CEP63: variants seen among roughly 807,000 people sequenced by gnomAD.
CEP63 encodes the protein centrosomal protein of 63 kDa.
CEP63 carries 84 observed loss-of-function variants against 89.1 expected under a neutral mutation model. That is an observed-to-expected ratio of 0.94 (90% CI 0.79 to 1.13). The LOEUF (loss-of-function observed/expected upper bound fraction) is 1.13. Among genes scored for constraint, CEP63 ranks in the 50% most tolerant of loss-of-function variants. The pLI, the probability that CEP63 is intolerant of heterozygous loss-of-function variation, is 0.00. For synonymous variants in CEP63, 267 were observed against 272.5 expected, an observed-to-expected ratio of 0.98 and a Z score of 0.20; for missense variants, 838 against 813.3, an observed-to-expected ratio of 1.03 and a Z score of -0.37.
the CEP63 span, among the ~76,000 whole-genome samples, chr3:134,670,053 G>A: frequency 6.6e-6 from 1 of 152,140 alleles, no homozygotes; most frequent in Non-Finnish European, 1.5e-5. Flanking sequence ...ACAGCAACCT[G>A]GAAGAGGGCC....
Position 134,564,868 on chromosome 3 carries a change from T to A in CEP63, c.*3333T>A. 1 of 985,272 alleles carries A rather than the reference T, an allele frequency of 1.0e-6. No individual in the cohort carries two copies. The highest frequency in any genetic ancestry group is 4.7e-5 in the South Asian group (1 of 21,284). The allele number at this position is 985,272 out of a possible 1,614,324, so 61.0% of individuals were successfully genotyped here. On this transcript the variant is annotated 3_prime_UTR_variant, in exon 15 of 15. Coordinates refer to ENST00000675561, the MANE Select transcript of CEP63 (RefSeq NM_001353108.3). ...GTCACCGGAAATACTTAAGGAATCATGAGGTACTATGTATTTCCTTAAATT... is the reference window on the plus strand; with the variant it reads ...GTCACCGGAAATACTTAAGGAATCAAGAGGTACTATGTATTTCCTTAAATT...
At chr3:134,608,659 C>T in the CEP63 span, 1 of 1,614,026 alleles carries the variant, frequency 6.2e-7, no homozygotes, top group South Asian at 1.1e-5. Context: ...CTGTTCTGAT[C>T]ATGGAAGTCT....
At chr3:134,494,440 T>G (rs1276434591) in intron 1 of CEP63, among the ~76,000 whole-genome samples, 1 of 152,104 alleles carries the variant, frequency 6.6e-6, no homozygotes, top group Non-Finnish European at 1.5e-5. Flanking sequence ...TATGGCAGTC[T>G]TCTATCTCCC....
intron 3 of CEP63, among the ~76,000 whole-genome samples, chr3:134,510,156 T>C (rs552901780): frequency 1.3e-5 from 2 of 152,330 alleles, no homozygotes; most frequent in South Asian, 4.1e-4. Flanking sequence ...GGAGGGAAAT[T>C]GAGCACAGGA....
At chr3:134,753,626 A>G in the CEP63 span, among the ~76,000 whole-genome samples, 1 of 152,232 alleles carries the variant, frequency 6.6e-6, no homozygotes, top group African/African-American at 2.4e-5. Context: ...TGGTAGGAAA[A>G]CATACACAGT....
the CEP63 span, chr3:134,608,633 C>T: frequency 1.1e-5 from 17 of 1,614,016 alleles, no homozygotes; most frequent in Admixed American, 2.7e-4. Flanking sequence ...CACACTGGCA[C>T]CTGCTCCGGG....
At chr3:134,521,308 CA>C (rs1947401454) in intron 3 of CEP63, among the ~76,000 whole-genome samples, 1 of 152,056 alleles carries the variant, frequency 6.6e-6, no homozygotes, top group Admixed American at 6.5e-5. Flanking sequence ...AGTATTTTAT[CA>C]AAAAGAGTGC....
rs1951304304 is a variant in CEP63 at position 134,538,541 on chromosome 3, ATATATATATATATG to A, written c.555+1285_555+1298del. On this transcript the variant is annotated intron_variant, in intron 6 of 14. Coordinates refer to ENST00000675561, the MANE Select transcript of CEP63 (RefSeq NM_001353108.3). ...AGAAATTGTGTGTGTGTGTATATATATATATATATATATGTATATATATATTTTTTTAACAACAA... is the reference window on the plus strand; with the variant it reads ...AGAAATTGTGTGTGTGTGTATATATATATATATATATTTTTTTAACAACAA... 1.9e-4 allele frequency among the ~76,000 whole-genome samples: 27 copies of A among 139,142 alleles called. 1 individual carries two copies. The highest frequency in any genetic ancestry group is 6.7e-4 in the South Asian group (3 of 4,474). 91.3% of individuals were successfully genotyped at this position (139,142 alleles called of 152,430 possible).
the CEP63 span, among the ~76,000 whole-genome samples, chr3:134,690,884 G>T: frequency 6.6e-6 from 1 of 151,870 alleles, no homozygotes; most frequent in Non-Finnish European, 1.5e-5. Context: ...AAGTAGCTGG[G>T]ATTACAGGCT....
At chr3:134,688,037 T>C in the CEP63 span, among the ~76,000 whole-genome samples, 8 of 152,348 alleles carry the variant, frequency 5.3e-5, 1 homozygote, top group African/African-American at 1.7e-4. Context: ...TAATTTACCA[T>C]ATGATATAGA....
At chr3:134,739,990 G>A in the CEP63 span, among the ~76,000 whole-genome samples, 1 of 151,980 alleles carries the variant, frequency 6.6e-6, no homozygotes, top group Non-Finnish European at 1.5e-5. Flanking sequence ...AAAATTAGAG[G>A]CACCTCCCAG....
chr3:134,496,058 A>T (rs1939797697), intron 2 of CEP63, among the ~76,000 whole-genome samples: 1 of 152,198 alleles, frequency 6.6e-6, no homozygotes, highest in African/African-American at 2.4e-5. Context: ...TCCCTTTCAC[A>T]TACTGATTTC....
chr3:134,558,814 A>G (rs1553788928), intron 13 of CEP63, among the ~76,000 whole-genome samples: 1 of 151,732 alleles, frequency 6.6e-6, no homozygotes, highest in South Asian at 2.1e-4. Context: ...CCTCACCTCC[A>G]CTCCTACACC....
At chr3:134,769,890 A>G in the CEP63 span, among the ~76,000 whole-genome samples, 1 of 152,252 alleles carries the variant, frequency 6.6e-6, no homozygotes, top group Admixed American at 6.5e-5. Flanking sequence ...CGTCCCTCTC[A>G]TATCATGTGC....
At chr3:134,546,015 A>G in intron 7 of CEP63, 134 bp from the exon 8 acceptor site, 3 of 973,000 alleles carry the variant, frequency 3.1e-6, no homozygotes, top group East Asian at 5.2e-5. Context: ...TACGTAACTT[A>G]TAGTCTGACT....
the CEP63 span, among the ~76,000 whole-genome samples, chr3:134,725,626 C>T: frequency 6.6e-6 from 1 of 152,098 alleles, no homozygotes; most frequent in South Asian, 2.1e-4. Flanking sequence ...CATTGTGCAC[C>T]CTCTCTTCAG....
downstream of CEP63, among the ~76,000 whole-genome samples, chr3:134,569,241 C>G (rs1292866540): frequency 6.6e-6 from 1 of 152,182 alleles, no homozygotes; most frequent in Non-Finnish European, 1.5e-5. Flanking sequence ...TCATGCCTTC[C>G]CAACAATCTC....
At chr3:134,513,325 G>A (rs190556715) in intron 3 of CEP63, among the ~76,000 whole-genome samples, 280 of 152,262 alleles carry the variant, frequency 1.8e-3, no homozygotes, top group Admixed American at 3.7e-3. Context: ...CTGATTGAAA[G>A]TTTGACTGGC....
chr3:134,506,099 A>T (rs992701562), intron 2 of CEP63, among the ~76,000 whole-genome samples: 1 of 152,152 alleles, frequency 6.6e-6, no homozygotes, highest in Non-Finnish European at 1.5e-5. Flanking sequence ...TCACACTAAG[A>T]ACAGGTGCTT....
Sources: allele counts gnomAD v4.1 joint callset (sites outside exome capture counted in the v4.1 genomes callset), GRCh38; gene constraint gnomAD v4.1.1; transcripts MANE v1.5; gene names NCBI Gene and HGNC (gene_info 2026-07-23, HGNC 2026-07-21).